Variants in FILIP1L observed in about 807,000 individuals in gnomAD.
FILIP1L encodes the protein filamin A interacting protein 1 like.
FILIP1L carries 55 observed loss-of-function variants against 96.6 expected under a neutral mutation model. The observed-to-expected ratio is 0.57, with a 90% confidence interval of 0.46 to 0.71. The LOEUF (loss-of-function observed/expected upper bound fraction) is 0.71, where lower values mean the gene tolerates loss of function less well. FILIP1L is among the 30% of genes least tolerant of loss of function. The pLI, the probability that FILIP1L is intolerant of heterozygous loss-of-function variation, is 0.00. For missense variants in FILIP1L, 1,304 were observed against 1,321.2 expected, an observed-to-expected ratio of 0.99 and a Z score of 0.20; for synonymous variants, 467 against 473.9, an observed-to-expected ratio of 0.99 and a Z score of 0.19.
intron 3 of FILIP1L, among the ~76,000 whole-genome samples, chr3:99,927,976 C>T (rs1026502987): frequency 6.6e-6 from 1 of 152,130 alleles, no homozygotes; most frequent in African/African-American, 2.4e-5. Flanking sequence ...AGATAAATCA[C>T]CTCTAGTTTA....
chr3:99,837,838 A>T (rs1942963371), intron 5 of FILIP1L, among the ~76,000 whole-genome samples: 1 of 152,188 alleles, frequency 6.6e-6, no homozygotes, highest in Admixed American at 6.5e-5. Context: ...ATCACACCAA[A>T]TGTGGCCTAA....
Position 99,830,256 on chromosome 3 carries a change from T to C in FILIP1L, c.*158A>G, listed in dbSNP as rs1435375404. The C allele has an allele frequency of 8.8e-6, 3 of 342,536 alleles. No individual in the cohort carries two copies. Among genetic ancestry groups the C allele is most frequent in the South Asian group, 4.6e-5 (2 of 43,328 alleles). 21.2% of individuals were successfully genotyped at this position (342,536 alleles called of 1,614,324 possible). A position where few individuals can be genotyped will look rare whatever the true frequency, so the allele number is the denominator to read the frequency against. ...ATATACACATATAGAAGTAAAATAA[T>C]TGTAGACGTGCTGCTTTTTGGGGGA... On this transcript the variant is annotated 3_prime_UTR_variant, in exon 6 of 6. Transcript: ENST00000477258.
rs559963545 is a variant in FILIP1L at position 99,849,451 on chromosome 3, T to A, written c.2225A>T (p.Asp742Val). The A allele has an allele frequency of 1.2e-4, 195 of 1,614,156 alleles. 1 individual carries two copies. In the South Asian group the frequency reaches 2.1e-3, roughly 17 times the overall value. The change falls in exon 5 of 6, where the codon GAT becomes GTT. Residue 742 changes from aspartate (D) to valine (V), a missense_variant. Coordinates refer to ENST00000477258, the MANE Select transcript of FILIP1L (RefSeq NM_001387850.1). Reference sequence around the variant, plus strand: ...TAGTTTTTTTTGCAGGACTGAGTGATCTCCCTGGAGGTGACATATTAGGTC... The same window carrying A: ...TAGTTTTTTTTGCAGGACTGAGTGAACTCCCTGGAGGTGACATATTAGGTC... Reference protein sequence around the residue: ...TEDLICHLQGDHSVLQKKLNQ... With the variant: ...TEDLICHLQGVHSVLQKKLNQ...
chr3:99,947,352 C>T (rs1238395683), intron 1 of FILIP1L, among the ~76,000 whole-genome samples: 2 of 152,036 alleles, frequency 1.3e-5, no homozygotes, highest in African/African-American at 4.8e-5. Context: ...TCTTCCATAC[C>T]ATGATATTTG....
chr3:100,060,191 A>G lies in FILIP1L; in HGVS notation c.-11+53862T>C, dbSNP rs142550472. 6.0e-3 allele frequency among the ~76,000 whole-genome samples: 920 copies of G among 152,188 alleles called. 10 individuals are homozygous for G. The highest frequency in any genetic ancestry group is 0.027 in the Middle Eastern group (8 of 294). ...CTGAAGAGGTTGAGATTTACTTTCT[A>G]TGTCATGAGGAGCCCCTAAAGATTT... On this transcript the variant is annotated intron_variant, in intron 1 of 5. Transcript: ENST00000477258.
chr3:99,875,436 A>G (rs1187527875), intron 4 of FILIP1L, among the ~76,000 whole-genome samples: 1 of 152,202 alleles, frequency 6.6e-6, no homozygotes, highest in African/African-American at 2.4e-5. Flanking sequence ...CATTTTTCCA[A>G]TGCCTGGACT....
At chr3:99,904,828 A>G (rs1027893815) in intron 4 of FILIP1L, among the ~76,000 whole-genome samples, 1 of 152,046 alleles carries the variant, frequency 6.6e-6, no homozygotes. Flanking sequence ...CACTGTTTCT[A>G]CAAGTGACCA....
chr3:100,090,729 C>A (rs2066089591), intron 1 of FILIP1L, among the ~76,000 whole-genome samples: 1 of 152,134 alleles, frequency 6.6e-6, no homozygotes, highest in African/African-American at 2.4e-5. Flanking sequence ...CTCAGGAAAA[C>A]CTCTCCATCA....
rs1236797792 is a variant in FILIP1L, at chr3:99,984,303, G to A, written c.-10-53273C>T. ...CAAACAAAATGAAAGGCTATATTTT[G>A]TCTTCTCCACATGTAATCTAGAGCC... On this transcript the variant is annotated intron_variant, in intron 1 of 5. Transcript: ENST00000477258. Among the ~76,000 whole-genome samples the A allele has an allele frequency of 3.9e-5, 6 of 152,062 alleles. No individual in the cohort carries two copies. The South Asian group carries it at 1.0e-3, about 26-fold the overall frequency.
chr3:100,011,919 C>T (rs184035055), intron 1 of FILIP1L, among the ~76,000 whole-genome samples: 1 of 152,228 alleles, frequency 6.6e-6, no homozygotes, highest in Admixed American at 6.5e-5. Context: ...AGAGAACTTC[C>T]ACTTTTAGTC....
intron 4 of FILIP1L, chr3:99,875,953 G>T: frequency 1.5e-6 from 1 of 671,450 alleles, no homozygotes. Context: ...GATGCGCTTT[G>T]CGAAACCTGT....
chr3:99,905,190 T>C (rs1222732376), intron 4 of FILIP1L, among the ~76,000 whole-genome samples: 2 of 152,252 alleles, frequency 1.3e-5, no homozygotes, highest in Admixed American at 6.5e-5. Flanking sequence ...GCCAACTCTT[T>C]GCTTTCCACA....
intron 1 of FILIP1L, among the ~76,000 whole-genome samples, chr3:99,999,641 C>A (rs1025283449): frequency 6.6e-6 from 1 of 152,138 alleles, no homozygotes; most frequent in African/African-American, 2.4e-5. Context: ...TCAGTCAGCG[C>A]TTTGCTAAAC....
At chr3:99,864,442 A>C (rs921744258) in intron 4 of FILIP1L, among the ~76,000 whole-genome samples, 1 of 152,216 alleles carries the variant, frequency 6.6e-6, no homozygotes, top group Non-Finnish European at 1.5e-5. Context: ...AAACCAAAAA[A>C]CTAAAATTTA....
chr3:99,903,438 G>A (rs1358276633), intron 4 of FILIP1L, among the ~76,000 whole-genome samples: 6 of 152,016 alleles, frequency 3.9e-5, no homozygotes, highest in Admixed American at 2.0e-4. Context: ...TTTTAGTAGA[G>A]ACGGGGTTTC....
At chr3:99,852,734 G>A (rs1219779626) in intron 4 of FILIP1L, among the ~76,000 whole-genome samples, 5 of 152,110 alleles carry the variant, frequency 3.3e-5, no homozygotes, top group South Asian at 4.1e-4. Context: ...GTGAGCCACC[G>A]TGCCGGCTGA....
chr3:100,107,835 A>C (rs1003502434), intron 1 of FILIP1L, among the ~76,000 whole-genome samples: 75 of 151,536 alleles, frequency 4.9e-4, no homozygotes, highest in African/African-American at 1.5e-3. Context: ...TGGAATCTTC[A>C]TTACATGATT....
intron 1 of FILIP1L, among the ~76,000 whole-genome samples, chr3:99,979,690 A>G (rs184053030): frequency 2.0e-5 from 3 of 152,346 alleles, no homozygotes; most frequent in Admixed American, 2.0e-4. Context: ...TTAAAATACC[A>G]TTAGCTTTTT....
intron 1 of FILIP1L, among the ~76,000 whole-genome samples, chr3:100,010,348 T>C (rs1385889558): frequency 2.0e-5 from 3 of 152,156 alleles, no homozygotes; most frequent in Non-Finnish European, 2.9e-5. Context: ...AAAAGGCATG[T>C]AACTGAGTAT....
Sources: allele counts gnomAD v4.1 joint callset (sites outside exome capture counted in the v4.1 genomes callset), GRCh38; gene constraint gnomAD v4.1.1; transcripts MANE v1.5; gene names NCBI Gene and HGNC (gene_info 2026-07-23, HGNC 2026-07-21).